SACM1L: variants seen among roughly 807,000 people sequenced by gnomAD.
The protein encoded by SACM1L is SAC1 like phosphatidylinositide phosphatase.
SACM1L carries 32 observed loss-of-function variants against 89.5 expected under a neutral mutation model. The ratio of observed to expected loss-of-function variants is 0.36; its 90% CI spans 0.27 to 0.48. The LOEUF (loss-of-function observed/expected upper bound fraction) is 0.48. SACM1L is among the 20% of genes least tolerant of loss of function. SACM1L has a pLI of 0.99. For synonymous variants in SACM1L, 213 were observed against 232.8 expected (o/e 0.92, Z 0.77); for missense variants, 543 against 708.5 (o/e 0.77, Z 2.65).
Position 45,705,165 on chromosome 3 carries a change from C to T in SACM1L, c.161C>T (p.Thr54Ile). Reference protein sequence around the residue: ...VKKDVPPSAVTRPIFGILGTI... With the variant: ...VKKDVPPSAVIRPIFGILGTI... ...AAAGATGTTCCTCCTTCAGCTGTCA[C>T]AAGACCAATATTTGGTATACTGGGC... The change falls in exon 3 of 20, where the codon ACA becomes ATA. Residue 54 changes from threonine to isoleucine, a missense_variant. By Grantham distance (89) the Thr-to-Ile change is moderately conservative (BLOSUM62 -1). Transcript: ENST00000389061. The T allele has an allele frequency of 3.1e-6, 5 of 1,611,190 alleles. No individual in the cohort carries two copies. The highest frequency in any genetic ancestry group is 4.2e-6 in the Non-Finnish European group (5 of 1,178,086).
intron 11 of SACM1L, among the ~76,000 whole-genome samples, chr3:45,729,569 A>G (rs1698999514): frequency 6.6e-6 from 1 of 152,190 alleles, no homozygotes; most frequent in Non-Finnish European, 1.5e-5. Flanking sequence ...TTTGCCAGAT[A>G]CAGAATCCTT....
chr3:45,741,954 A>G (rs1010578068), intron 19 of SACM1L, among the ~76,000 whole-genome samples: 1 of 152,170 alleles, frequency 6.6e-6, no homozygotes, highest in South Asian at 2.1e-4. Flanking sequence ...CCCTGCTTTC[A>G]TTTCCTCTCT....
At chr3:45,696,482 CG>C (rs1264674339) in intron 1 of SACM1L, among the ~76,000 whole-genome samples, 1 of 152,042 alleles carries the variant, frequency 6.6e-6, no homozygotes, top group African/African-American at 2.4e-5. Flanking sequence ...AGTATATACC[CG>C]GAAGTGGAAT....
At chr3:45,707,332 G>GTA (rs1409973397) in intron 4 of SACM1L, 1 of 155,014 alleles carries the variant, frequency 6.5e-6, no homozygotes, top group African/African-American at 2.4e-5. Context: ...TATGAAATGT[G>GTA]TATATATTCT....
intron 1 of SACM1L, among the ~76,000 whole-genome samples, chr3:45,695,023 G>A (rs1183568171): frequency 6.6e-6 from 1 of 152,128 alleles, no homozygotes; most frequent in Non-Finnish European, 1.5e-5. Flanking sequence ...TTGTGCCCCT[G>A]GGGAGTCTGT....
intron 13 of SACM1L, among the ~76,000 whole-genome samples, chr3:45,733,350 C>T (rs1699121476): frequency 6.6e-6 from 1 of 152,088 alleles, no homozygotes; most frequent in East Asian, 1.9e-4. Context: ...GTAATATGAC[C>T]CAGGGCCACT....
intron 1 of SACM1L, among the ~76,000 whole-genome samples, chr3:45,700,580 A>G (rs565014182): frequency 2.2e-4 from 33 of 152,342 alleles, no homozygotes; most frequent in African/African-American, 7.9e-4. Flanking sequence ...TAATGCCTGG[A>G]GTCCCCTCTT....
At chr3:45,714,132 T>TTAA (rs1698588170) in intron 7 of SACM1L, 53 bp downstream of exon 7, 5 of 1,162,548 alleles carry the variant, frequency 4.3e-6, no homozygotes, top group Non-Finnish European at 6.1e-6. Flanking sequence ...ATTTAAATTT[T>TTAA]ATTATAAGGC....
At chr3:45,735,052 T>A in intron 13 of SACM1L, 183 bp from the exon 14 acceptor site, 1 of 484,072 alleles carries the variant, frequency 2.1e-6, no homozygotes, top group Non-Finnish European at 3.5e-6. Flanking sequence ...CTGTCTTGCC[T>A]CAGCCATTTA....
intron 1 of SACM1L, among the ~76,000 whole-genome samples, chr3:45,702,841 A>T (rs1465601405): frequency 6.6e-6 from 1 of 152,072 alleles, no homozygotes; most frequent in Non-Finnish European, 1.5e-5. Flanking sequence ...TTTCAGGAAC[A>T]TATATATGGG....
chr3:45,727,830 C>T (rs1262093872), intron 11 of SACM1L, among the ~76,000 whole-genome samples: 5 of 152,076 alleles, frequency 3.3e-5, no homozygotes, highest in Non-Finnish European at 7.4e-5. Flanking sequence ...CTCCTGACCT[C>T]GTGATCTGCC....
intron 19 of SACM1L, 152 bp from the exon 20 acceptor site, chr3:45,743,381 C>G (rs1401085107): frequency 2.7e-6 from 2 of 734,780 alleles, no homozygotes; most frequent in Non-Finnish European, 4.3e-6. Flanking sequence ...GGTTTGAGAA[C>G]CACTGGTTTA....
intron 11 of SACM1L, among the ~76,000 whole-genome samples, chr3:45,725,868 CTTCTTT>C (rs1410518432): frequency 6.6e-6 from 1 of 151,904 alleles, no homozygotes; most frequent in Non-Finnish European, 1.5e-5. Flanking sequence ...AGGAACTTTT[CTTCTTT>C]TTCTAAGTTA....
At chr3:45,702,856 TA>T (rs966983514) in intron 1 of SACM1L, among the ~76,000 whole-genome samples, 1 of 152,132 alleles carries the variant, frequency 6.6e-6, no homozygotes, top group Admixed American at 6.5e-5. Flanking sequence ...TATGGGTTTC[TA>T]AAAAAACACC....
At chr3:45,743,179 T>A (rs1034535171) in intron 19 of SACM1L, among the ~76,000 whole-genome samples, 7 of 152,186 alleles carry the variant, frequency 4.6e-5, no homozygotes, top group African/African-American at 1.4e-4. Context: ...ATTATTAAAA[T>A]ATACTAAAAG....
intron 1 of SACM1L, among the ~76,000 whole-genome samples, chr3:45,700,809 C>T (rs1410849711): frequency 1.3e-5 from 2 of 152,138 alleles, no homozygotes; most frequent in Admixed American, 6.5e-5. Flanking sequence ...ATAGCTGGGA[C>T]TACAGGCATG....
chr3:45,709,468 T>C (rs1336583011), intron 4 of SACM1L, 30 bp from the exon 5 acceptor site: 2 of 1,554,308 alleles, frequency 1.3e-6, no homozygotes, highest in Admixed American at 3.8e-5. Context: ...TTTTCAATTA[T>C]GAGCTATACT....
chr3:45,699,006 C>A (rs1399680703), intron 1 of SACM1L, among the ~76,000 whole-genome samples: 1 of 152,178 alleles, frequency 6.6e-6, no homozygotes. Flanking sequence ...ATCTCCTGAC[C>A]TTGTGATCCA....
chr3:45,733,746 A>G (rs1202955409), intron 13 of SACM1L, among the ~76,000 whole-genome samples: 5 of 152,170 alleles, frequency 3.3e-5, no homozygotes, highest in African/African-American at 1.2e-4. Flanking sequence ...TATGTGCATT[A>G]TGTGTTATCT....
Sources: allele counts gnomAD v4.1 joint callset (sites outside exome capture counted in the v4.1 genomes callset), GRCh38; gene constraint gnomAD v4.1.1; transcripts MANE v1.5; gene names NCBI Gene and HGNC (gene_info 2026-07-23, HGNC 2026-07-21).